SLC66A1: variants seen among roughly 807,000 people sequenced by gnomAD.
SLC66A1 encodes the protein lysosomal amino acid transporter 1 homolog.
SLC66A1 carries 23 observed loss-of-function variants against 33.0 expected under a neutral mutation model. That is an observed-to-expected ratio of 0.70 (90% CI 0.50 to 0.99). The LOEUF is 0.99. Among genes scored for constraint, SLC66A1 ranks in the 50% least tolerant of loss-of-function variants. The probability of loss-of-function intolerance (pLI) is 0.00; values close to 1 mark genes in which losing one functional copy is unlikely to be tolerated. For synonymous variants in SLC66A1, 164 were observed against 175.5 expected (o/e 0.93, Z 0.52); for missense variants, 335 against 383.6 (o/e 0.87, Z 1.06).
intron 6 of SLC66A1, 81 bp from the exon 7 acceptor site, chr1:19,327,146 C>G (rs770731984): frequency 9.5e-5 from 128 of 1,350,834 alleles, no homozygotes; most frequent in Non-Finnish European, 1.3e-4. Context: ...TGTGGTGGGG[C>G]AGGTGGACAT....
downstream of SLC66A1, among the ~76,000 whole-genome samples, chr1:19,334,112 A>G (rs755917338): frequency 1.3e-5 from 2 of 152,170 alleles, no homozygotes; most frequent in Non-Finnish European, 2.9e-5. Context: ...TAAGCACTCA[A>G]TAATGACGAC....
chr1:19,332,673 T>C (rs1021498874), downstream of SLC66A1, among the ~76,000 whole-genome samples: 3 of 152,206 alleles, frequency 2.0e-5, no homozygotes, highest in Non-Finnish European at 2.9e-5. Context: ...GATGGGGCCG[T>C]GTTTGCTGAT....
In SLC66A1 at chr1:19,324,547, C is replaced by G. The variant is rs185923543; in HGVS notation, c.165-86C>G. Reference sequence around the variant, plus strand: ...CCATCGCCGCCTCGATCCCCATGGTCGTCTCCTCTGGGCGGTGTCCCCTAT... The same window carrying G: ...CCATCGCCGCCTCGATCCCCATGGTGGTCTCCTCTGGGCGGTGTCCCCTAT... On this transcript the variant is annotated intron_variant, in intron 2 of 7. Transcript: ENST00000375153. 19 of 1,513,394 alleles carry G rather than the reference C, an allele frequency of 1.3e-5. No individual in the cohort carries two copies. The East Asian group carries it at 4.1e-4, about 33-fold the overall frequency. The allele number at this position is 1,513,394 out of a possible 1,614,324, so 93.7% of individuals were successfully genotyped here. A position where few individuals can be genotyped will look rare whatever the true frequency, so the allele number is the denominator to read the frequency against.
At chr1:19,313,167 G>C (rs757512756) in intron 1 of SLC66A1, 79 of 984,790 alleles carry the variant, frequency 8.0e-5, no homozygotes, top group Non-Finnish European at 8.9e-5. Context: ...TTTCAGATGA[G>C]AACTACGAAG....
At chr1:19,323,321 G>A (rs758630750) in intron 2 of SLC66A1, among the ~76,000 whole-genome samples, 15 of 152,188 alleles carry the variant, frequency 9.9e-5, no homozygotes, top group Admixed American at 3.3e-4. Flanking sequence ...GGAAGGACTC[G>A]CTGTGGGAAG....
intron 1 of SLC66A1, among the ~76,000 whole-genome samples, chr1:19,317,030 G>T (rs2093809911): frequency 6.6e-6 from 1 of 151,012 alleles, no homozygotes; most frequent in South Asian, 2.1e-4. Flanking sequence ...CAAATTGTGG[G>T]GATTACCGGC....
intron 2 of SLC66A1, among the ~76,000 whole-genome samples, chr1:19,321,751 A>G (rs530505534): frequency 6.7e-6 from 1 of 149,160 alleles, no homozygotes; most frequent in Non-Finnish European, 1.5e-5. Context: ...ATTTTTAGTA[A>G]AGATGGGGTT....
downstream of SLC66A1, among the ~76,000 whole-genome samples, chr1:19,332,045 C>T (rs1033228579): frequency 6.6e-6 from 1 of 152,174 alleles, no homozygotes. Flanking sequence ...AGCACCTGGC[C>T]TGCAGCTCAT....
At chr1:19,313,341 C>G in intron 1 of SLC66A1, 1 of 684,542 alleles carries the variant, frequency 1.5e-6, no homozygotes, top group Non-Finnish European at 1.8e-6. Flanking sequence ...CCCGTTTCCT[C>G]TCTTCTTCAC....
chr1:19,320,605 C>T (rs535509145), intron 2 of SLC66A1, among the ~76,000 whole-genome samples: 27 of 151,214 alleles, frequency 1.8e-4, no homozygotes, highest in Admixed American at 3.3e-4. Flanking sequence ...TTAGTAGAGA[C>T]GGGGTTTCAC....
chr1:19,317,892 A>G (rs1421426168), intron 2 of SLC66A1, 51 bp downstream of exon 2: 1 of 1,581,560 alleles, frequency 6.3e-7, no homozygotes, highest in Non-Finnish European at 8.6e-7. Context: ...GGGTTGAGGC[A>G]GTGGCTCCAG....
downstream of SLC66A1, among the ~76,000 whole-genome samples, chr1:19,334,223 A>G (rs918466721): frequency 6.6e-6 from 1 of 152,202 alleles, no homozygotes; most frequent in African/African-American, 2.4e-5. Context: ...TGTTTGGTGA[A>G]TGAGTAAGTG....
Position 19,324,643 on chromosome 1 carries a change from A to G in SLC66A1, c.175A>G (p.Lys59Glu), listed in dbSNP as rs1458279865. Residue 59 changes from lysine (K) to glutamate (E), a missense_variant, in exon 3 of 8, where the codon AAA (lysine) becomes GAA (glutamate). By Grantham distance (56) the Lys-to-Glu change is moderately conservative (BLOSUM62 1). Coordinates refer to ENST00000375153, the MANE Select transcript of SLC66A1 (RefSeq NM_001040125.2). Reference protein sequence around the residue: ...FAASTFPQFIKAYKTGNMDQA... With the variant: ...FAASTFPQFIEAYKTGNMDQA... ...CTTCCTCTTCCACAGCCAGTTCATC[A>G]AAGCCTACAAGACGGGCAACATGGA... 2.4e-5 allele frequency: 38 copies of G among 1,614,152 alleles called. No homozygotes were observed. Among genetic ancestry groups the G allele is most frequent in the Non-Finnish European group, 3.1e-5 (36 of 1,179,982 alleles).
intron 3 of SLC66A1, 34 bp from the exon 4 acceptor site, chr1:19,325,461 G>A: frequency 6.6e-7 from 1 of 1,506,574 alleles, no homozygotes; most frequent in African/African-American, 1.4e-5. Context: ...TCCTGGGACT[G>A]CGCCAACCCC....
chr1:19,327,225 A>G lies in SLC66A1; in HGVS notation c.619-2A>G. On this transcript the variant is annotated splice_acceptor_variant, in intron 6 of 7. Transcript: ENST00000375153. LOFTEE classifies it high-confidence loss of function. ...CTCTGACCTGACCTCCTCCTGCCCC[A>G]GTTCCTCCGGAAGTCCACCCAGGGG... The G allele has an allele frequency of 3.1e-6, 5 of 1,612,736 alleles. No homozygotes were observed. Among genetic ancestry groups the G allele is most frequent in the Non-Finnish European group, 4.2e-6 (5 of 1,179,004 alleles).
In SLC66A1 at chr1:19,317,038, G is replaced by A. The variant is rs191478691; in HGVS notation, c.-78-562G>A. Among the ~76,000 whole-genome samples, 202 of 150,792 alleles carry A rather than the reference G, an allele frequency of 1.3e-3. 1 individual carries two copies. Among genetic ancestry groups the A allele is most frequent in the African/African-American group, 4.6e-3 (190 of 40,914 alleles). On this transcript the variant is annotated intron_variant, in intron 1 of 7. Coordinates refer to ENST00000375153, the MANE Select transcript of SLC66A1 (RefSeq NM_001040125.2). ...GGCCTCCCAAATTGTGGGGATTACC[G>A]GCATGAGCCATCATTCGTGGCTACA...
In SLC66A1 at chr1:19,328,901, C is replaced by A. The variant is rs1038334006; in HGVS notation, c.*258C>A. On this transcript the variant is annotated 3_prime_UTR_variant, in exon 8 of 8. Coordinates refer to ENST00000375153, the MANE Select transcript of SLC66A1 (RefSeq NM_001040125.2). The surrounding 1 kb of genome is among the most constrained non-coding windows in gnomAD (Gnocchi z 4.7). ...CCTACCACCTACCTCATTCTGCCTACTCACCCCAGGGGCCACAGCCACAGC... is the reference window on the plus strand; with the variant it reads ...CCTACCACCTACCTCATTCTGCCTAATCACCCCAGGGGCCACAGCCACAGC... The A allele has an allele frequency of 7.1e-6, 4 of 565,238 alleles. No individual in the cohort carries two copies. The Admixed American group carries it at 1.3e-4, about 18-fold the overall frequency. The allele number at this position is 565,238 out of a possible 1,614,324, so 35.0% of individuals were successfully genotyped here.
At chr1:19,322,244 A>G (rs1009066466) in intron 2 of SLC66A1, among the ~76,000 whole-genome samples, 1 of 152,070 alleles carries the variant, frequency 6.6e-6, no homozygotes, top group Admixed American at 6.6e-5. Context: ...CTCCCTGTCC[A>G]GGGGTGAGAG....
rs2093866917 is a variant in SLC66A1, at chr1:19,326,377, C to CCT, written c.515_516insCT (p.Gly173TrpfsTer52). On this transcript the variant is annotated frameshift_variant, in exon 5 of 8. Coordinates refer to ENST00000375153, the MANE Select transcript of SLC66A1 (RefSeq NM_001040125.2). LOFTEE classifies it high-confidence loss of function. ...GGGCGGGCGCTCCTGTCCGTGGAGT[C>CCT]GGGCAGCAAGGTGAGGCGTGGGCGT... 5 of 1,606,694 alleles carry CCT rather than the reference C, an allele frequency of 3.1e-6. No homozygotes were observed. Among genetic ancestry groups the CCT allele is most frequent in the Non-Finnish European group, 4.2e-6 (5 of 1,178,730 alleles).
Sources: allele counts gnomAD v4.1 joint callset (sites outside exome capture counted in the v4.1 genomes callset), GRCh38; gene constraint gnomAD v4.1.1; non-coding constraint Gnocchi (gnomAD v3.1); transcripts MANE v1.5; gene names NCBI Gene and HGNC (gene_info 2026-07-23, HGNC 2026-07-21).